SH3RF3: variants seen among roughly 807,000 people sequenced by gnomAD.
SH3RF3 encodes the protein E3 ubiquitin-protein ligase SH3RF3.
Under a neutral mutation model 66.3 loss-of-function variants are expected in SH3RF3, and 29 were observed. That is an observed-to-expected ratio of 0.44 (90% confidence interval 0.33 to 0.60). The LOEUF (loss-of-function observed/expected upper bound fraction) is 0.60, where lower values mean the gene tolerates loss of function less well. Among genes scored for constraint, SH3RF3 ranks in the 20% least tolerant of loss-of-function variants. The pLI is 0.04. For missense variants in SH3RF3, 1,194 were observed against 1,190.9 expected (o/e 1.00, Z -0.04); for synonymous variants, 583 against 532.0 (o/e 1.10, Z -1.32).
chr2:109,337,670 T>TCAGCATATGCCGTATGCTAC (rs796193791), intron 1 of SH3RF3, among the ~76,000 whole-genome samples: 3 of 152,056 alleles, frequency 2.0e-5, no homozygotes, highest in African/African-American at 7.2e-5. Context: ...CCATATGCTA[T>TCAGCATATGCCGTATGCTAC]CAGCATATGC....
intron 1 of SH3RF3, among the ~76,000 whole-genome samples, chr2:109,277,235 G>T (rs536442183): frequency 6.6e-6 from 1 of 152,284 alleles, no homozygotes; most frequent in Non-Finnish European, 1.5e-5. Flanking sequence ...TTTCGGATGT[G>T]TCACACTTGG....
chr2:109,270,719 G>A (rs1048444244), intron 1 of SH3RF3, among the ~76,000 whole-genome samples: 5 of 152,192 alleles, frequency 3.3e-5, no homozygotes, highest in South Asian at 2.1e-4. Flanking sequence ...TTTGGAGACC[G>A]TTCCTGGACT....
intron 1 of SH3RF3, among the ~76,000 whole-genome samples, chr2:109,243,358 C>G (rs1177954450): frequency 6.6e-6 from 1 of 152,268 alleles, no homozygotes; most frequent in Non-Finnish European, 1.5e-5. Flanking sequence ...TCCTTCTGTT[C>G]ACCCCTTACC....
At chr2:109,251,589 T>C (rs1680093599) in intron 1 of SH3RF3, 1 of 946,496 alleles carries the variant, frequency 1.1e-6, no homozygotes, top group Non-Finnish European at 1.7e-6. Flanking sequence ...AACAGAACAA[T>C]ATTGGAATGG....
intron 8 of SH3RF3, among the ~76,000 whole-genome samples, chr2:109,468,844 ACT>A (rs1246919178): frequency 2.9e-5 from 4 of 137,900 alleles, no homozygotes; most frequent in African/African-American, 1.2e-4. Flanking sequence ...ACAAAGCAAG[ACT>A]CTGTCTCAGA....
At chr2:109,336,946 C>T (rs1036843613) in intron 1 of SH3RF3, among the ~76,000 whole-genome samples, 1 of 152,192 alleles carries the variant, frequency 6.6e-6, no homozygotes, top group African/African-American at 2.4e-5. Context: ...CCATCATCCT[C>T]TGTGGGCAGC....
At chr2:109,280,508 C>T (rs1680856480) in intron 1 of SH3RF3, among the ~76,000 whole-genome samples, 1 of 152,166 alleles carries the variant, frequency 6.6e-6, no homozygotes, top group South Asian at 2.1e-4. Context: ...CAGACTGGGG[C>T]TCCACTGGGG....
intron 1 of SH3RF3, among the ~76,000 whole-genome samples, chr2:109,133,698 G>A (rs568773733): frequency 1.5e-4 from 22 of 149,818 alleles, no homozygotes; most frequent in Non-Finnish European, 2.7e-4. Context: ...TTCATACATG[G>A]TCATCTTGAT....
chr2:109,429,099 T>C (rs1464888879), intron 5 of SH3RF3, among the ~76,000 whole-genome samples: 1 of 152,124 alleles, frequency 6.6e-6, no homozygotes, highest in Non-Finnish European at 1.5e-5. Flanking sequence ...GCAGAGACCC[T>C]GAGAGGTGGG....
chr2:109,296,572 C>A (rs1163832772), intron 1 of SH3RF3, among the ~76,000 whole-genome samples: 1 of 152,158 alleles, frequency 6.6e-6, no homozygotes. Flanking sequence ...GTCATCAGGG[C>A]ATGATTCCTG....
chr2:109,489,557 T>C (rs1444888034), intron 8 of SH3RF3, among the ~76,000 whole-genome samples: 1 of 152,146 alleles, frequency 6.6e-6, no homozygotes, highest in Non-Finnish European at 1.5e-5. Context: ...ACAATGACGT[T>C]GCCAGGCTTG....
intron 1 of SH3RF3, among the ~76,000 whole-genome samples, chr2:109,304,204 T>G (rs1454832162): frequency 6.6e-6 from 1 of 152,134 alleles, no homozygotes; most frequent in Non-Finnish European, 1.5e-5. Context: ...CAGAACTTAC[T>G]CATCTTGCAG....
rs189261066 is a variant in SH3RF3 at position 109,483,051 on chromosome 2, C to T, written c.2149-7554C>T. Among the ~76,000 whole-genome samples, 461 of 152,196 alleles carry T rather than the reference C, an allele frequency of 3.0e-3. 7 individuals carry two copies. The highest frequency in any genetic ancestry group is 0.011 in the African/African-American group (444 of 41,500). ...TGTATTCATTGTAGATCTTCTATTC[C>T]TCTGCCCTCTCTAAAAATGCGTTGC... On this transcript the variant is annotated intron_variant, in intron 8 of 9. Coordinates refer to ENST00000309415, the MANE Select transcript of SH3RF3 (RefSeq NM_001099289.3).
Position 109,466,587 on chromosome 2 carries a change from A to G in SH3RF3, c.2148+17098A>G, listed in dbSNP as rs189288841. The stretch of plus-strand genomic sequence containing the variant: ...GAGCACAAGTTGTTAATTTTCATGG[A>G]GCCCAATTTATTAACTATTTCATGA... On this transcript the variant is annotated intron_variant, in intron 8 of 9. Transcript: ENST00000309415. Among the ~76,000 whole-genome samples the G allele has an allele frequency of 1.4e-3, 213 of 152,242 alleles. 1 individual carries two copies. The highest frequency in any genetic ancestry group is 6.8e-3 in the Middle Eastern group (2 of 294).
intron 1 of SH3RF3, among the ~76,000 whole-genome samples, chr2:109,166,125 A>C (rs569956819): frequency 6.6e-6 from 1 of 152,316 alleles, no homozygotes; most frequent in Non-Finnish European, 1.5e-5. Context: ...GTCAGGCACA[A>C]AGAAGTAGTG....
intron 1 of SH3RF3, among the ~76,000 whole-genome samples, chr2:109,279,842 G>A (rs1680841768): frequency 6.6e-6 from 1 of 152,130 alleles, no homozygotes; most frequent in Non-Finnish European, 1.5e-5. Context: ...GGGCTGGTGG[G>A]GCCTGCCCTG....
In SH3RF3 at chr2:109,442,685, A is replaced by G. The variant is rs78387656; in HGVS notation, c.1828+5539A>G. Among the ~76,000 whole-genome samples the G allele has an allele frequency of 1.6e-3, 238 of 152,364 alleles. 2 individuals are homozygous for G. The highest frequency in any genetic ancestry group is 5.4e-3 in the African/African-American group (225 of 41,586). ...TGTAAATGACTATAATAAAATAAAGATGTAAGCAGTCACTAAATATGAAAC... is the reference window on the plus strand; with the variant it reads ...TGTAAATGACTATAATAAAATAAAGGTGTAAGCAGTCACTAAATATGAAAC... On this transcript the variant is annotated intron_variant, in intron 7 of 9. Transcript: ENST00000309415.
At position 109,322,558 on chromosome 2, in the gene SH3RF3, C is replaced by T. The variant is rs147346639; in HGVS notation, c.574-25116C>T. ...GGCCTGTGCTGTGTAATAGTGTGCA[C>T]TGATTTTGAGAGTTACTGCAAGAAT... On this transcript the variant is annotated intron_variant, in intron 1 of 9. Coordinates refer to ENST00000309415, the MANE Select transcript of SH3RF3 (RefSeq NM_001099289.3). Among the ~76,000 whole-genome samples the T allele has an allele frequency of 5.7e-3, 875 of 152,328 alleles. 9 individuals are homozygous for T. The highest frequency in any genetic ancestry group is 0.02 in the African/African-American group (837 of 41,574).
At chr2:109,192,049 A>C (rs1293755688) in intron 1 of SH3RF3, among the ~76,000 whole-genome samples, 1 of 152,130 alleles carries the variant, frequency 6.6e-6, no homozygotes, top group African/African-American at 2.4e-5. Flanking sequence ...AAAAGCATTG[A>C]ATTTGTCTAC....
Sources: gnomAD v4.1 joint callset for allele counts (sites outside exome capture counted in the v4.1 genomes callset) on GRCh38, gnomAD v4.1.1 for gene constraint, MANE v1.5 for transcripts, NCBI Gene and HGNC (gene_info 2026-07-23, HGNC 2026-07-21) for gene names.